Variants in SRBD1 observed in about 807,000 individuals in gnomAD.
SRBD1 encodes S1 RNA binding domain 1, also known as S1 RNA-binding domain-containing protein 1.
Under a neutral mutation model 115.3 loss-of-function variants are expected in SRBD1, and 88 were observed. The ratio of observed to expected loss-of-function variants is 0.76; its 90% CI spans 0.64 to 0.91. The LOEUF is 0.91. Ranked by LOEUF, SRBD1 falls within the 40% of genes least tolerant of loss-of-function variation. The pLI is 0.00. For missense variants in SRBD1, 1,385 were observed against 1,177.4 expected, an observed-to-expected ratio of 1.18 and a Z score of -2.58; for synonymous variants, 509 against 407.7, an observed-to-expected ratio of 1.25 and a Z score of -2.99.
intron 14 of SRBD1, among the ~76,000 whole-genome samples, chr2:45,508,953 G>GA (rs1670877865): frequency 1.3e-5 from 2 of 152,154 alleles, no homozygotes; most frequent in Admixed American, 1.3e-4. Flanking sequence ...AAAGCAGACA[G>GA]AAAAATGTTT....
chr2:45,418,740 G>A (rs1667911635), intron 17 of SRBD1, among the ~76,000 whole-genome samples, 199 bp from the exon 18 acceptor site: 1 of 149,092 alleles, frequency 6.7e-6, no homozygotes, highest in African/African-American at 2.5e-5. Flanking sequence ...AAGGACAACA[G>A]AATAAAAAAA....
chr2:45,444,365 C>A (rs571999830), intron 16 of SRBD1, among the ~76,000 whole-genome samples: 1 of 152,296 alleles, frequency 6.6e-6, no homozygotes, highest in South Asian at 2.1e-4. Flanking sequence ...CTTATCATTT[C>A]TTTACCAAAA....
chr2:45,570,954 A>G (rs1460381877), intron 9 of SRBD1, among the ~76,000 whole-genome samples: 1 of 152,184 alleles, frequency 6.6e-6, no homozygotes, highest in East Asian at 1.9e-4. Context: ...GGGGTAAGGG[A>G]TAATACAGGA....
chr2:45,522,461 A>G (rs1031290406), intron 14 of SRBD1, among the ~76,000 whole-genome samples: 4 of 152,202 alleles, frequency 2.6e-5, no homozygotes, highest in Admixed American at 2.6e-4. Flanking sequence ...TATGGGCATG[A>G]GCCATGCATG....
At chr2:45,540,996 G>GC (rs1671916743) in intron 14 of SRBD1, among the ~76,000 whole-genome samples, 1 of 152,164 alleles carries the variant, frequency 6.6e-6, no homozygotes, top group African/African-American at 2.4e-5. Context: ...TTTTGCTCAG[G>GC]CCCCCTGGGC....
intron 14 of SRBD1, among the ~76,000 whole-genome samples, chr2:45,532,551 T>C (rs1485235815): frequency 1.3e-5 from 2 of 151,836 alleles, no homozygotes; most frequent in African/African-American, 4.8e-5. Flanking sequence ...TGAACTTTAT[T>C]CTGCAACTAG....
intron 10 of SRBD1, among the ~76,000 whole-genome samples, chr2:45,561,026 G>A (rs1007527022): frequency 6.6e-6 from 1 of 152,074 alleles, no homozygotes; most frequent in Non-Finnish European, 1.5e-5. Context: ...AGAATCACTG[G>A]AGTCTGGGAG....
chr2:45,493,786 G>T (rs188454140), intron 14 of SRBD1, among the ~76,000 whole-genome samples: 68 of 151,368 alleles, frequency 4.5e-4, no homozygotes, highest in Middle Eastern at 6.8e-3. Context: ...ACTCCATCCT[G>T]GGCAACAAGA....
chr2:45,570,859 T>C (rs1672984664), intron 9 of SRBD1, among the ~76,000 whole-genome samples: 1 of 152,084 alleles, frequency 6.6e-6, no homozygotes, highest in African/African-American at 2.4e-5. Context: ...TTCACATGCC[T>C]TGGAACTTAC....
At chr2:45,463,394 T>G (rs1036677746) in intron 16 of SRBD1, among the ~76,000 whole-genome samples, 12 of 152,236 alleles carry the variant, frequency 7.9e-5, no homozygotes, top group African/African-American at 2.9e-4. Flanking sequence ...GCCTGTGCTA[T>G]TCTTAAAGAT....
chr2:45,448,605 C>T (rs758447152), intron 16 of SRBD1, among the ~76,000 whole-genome samples: 1 of 152,062 alleles, frequency 6.6e-6, no homozygotes, highest in Non-Finnish European at 1.5e-5. Context: ...GCCCTAACGA[C>T]CTTCAAATTT....
At chr2:45,556,142 G>A (rs1026443141) in intron 10 of SRBD1, among the ~76,000 whole-genome samples, 1 of 152,098 alleles carries the variant, frequency 6.6e-6, no homozygotes, top group Non-Finnish European at 1.5e-5. Context: ...TTTAGTGGAA[G>A]TGCTTTTAGG....
chr2:45,484,298 T>G (rs1321894017), intron 15 of SRBD1, among the ~76,000 whole-genome samples: 1 of 152,190 alleles, frequency 6.6e-6, no homozygotes, highest in South Asian at 2.1e-4. Context: ...CATTTCTTTG[T>G]GGTACCTCTA....
intron 19 of SRBD1, among the ~76,000 whole-genome samples, chr2:45,405,742 G>A (rs1667416427): frequency 7.2e-6 from 1 of 139,056 alleles, no homozygotes; most frequent in Non-Finnish European, 1.6e-5. Context: ...TGTCAAATGT[G>A]GCAGAATGGG....
At chr2:45,568,863 G>T (rs897359233) in intron 9 of SRBD1, among the ~76,000 whole-genome samples, 2 of 152,184 alleles carry the variant, frequency 1.3e-5, no homozygotes, top group African/African-American at 4.8e-5. Flanking sequence ...TTTTCATTAT[G>T]TTATACCTGT....
At chr2:45,517,364 A>G (rs1013816634) in intron 14 of SRBD1, among the ~76,000 whole-genome samples, 2 of 152,262 alleles carry the variant, frequency 1.3e-5, no homozygotes, top group Admixed American at 1.3e-4. Context: ...CAACTTTTAC[A>G]TAAGTGAGTT....
chr2:45,591,749 T>C (rs1039503335), intron 4 of SRBD1, among the ~76,000 whole-genome samples: 5 of 152,198 alleles, frequency 3.3e-5, no homozygotes, highest in African/African-American at 1.2e-4. Context: ...ATTATCACAT[T>C]GCCTCTCTAA....
At chr2:45,469,448 T>C (rs377698448) in intron 16 of SRBD1, among the ~76,000 whole-genome samples, 2 of 152,158 alleles carry the variant, frequency 1.3e-5, no homozygotes, top group Admixed American at 6.5e-5. Context: ...GGAAATTAGA[T>C]ATGTCATTTT....
At chr2:45,590,890 G>A (rs865893956) in intron 4 of SRBD1, among the ~76,000 whole-genome samples, 1 of 151,886 alleles carries the variant, frequency 6.6e-6, no homozygotes, top group Admixed American at 6.6e-5. Flanking sequence ...GGTGGTATGC[G>A]CCTGTAATCC....
Sources: gnomAD v4.1 joint callset for allele counts (sites outside exome capture counted in the v4.1 genomes callset) on GRCh38, gnomAD v4.1.1 for gene constraint, MANE v1.5 for transcripts, NCBI Gene and HGNC (gene_info 2026-07-23, HGNC 2026-07-21) for gene names.